ZNF469: variants seen among roughly 807,000 people sequenced by gnomAD.
ZNF469 encodes the protein zinc finger protein 469.
Under a neutral mutation model 1.0 loss-of-function variants are expected in ZNF469, and 1 was observed. The ratio of observed to expected loss-of-function variants is 1.00; its 90% CI spans 0.35 to 4.73. The LOEUF is 4.73. Ranked by LOEUF, ZNF469 falls within the 30% of genes most tolerant of loss-of-function variation. The pLI, the probability that ZNF469 is intolerant of heterozygous loss-of-function variation, is 0.16. For missense variants in ZNF469, 6,100 were observed against 5,356.3 expected (o/e 1.14, Z -4.33); for synonymous variants, 2,703 against 2,363.4 (o/e 1.14, Z -4.17).
In ZNF469 at chr16:88,428,248, A is replaced by C; in HGVS notation, c.778A>C (p.Lys260Gln). The change falls in exon 3 of 3, where the codon AAA (lysine) becomes CAA (glutamine). Residue 260 changes from lysine to glutamine, a missense_variant. Lys to Gln is a moderately conservative substitution (Grantham distance 53). Transcript: ENST00000565624. The part of the protein sequence containing the change: ...VPPAEPEPIP[K>Q]GSRPGGSPRG... ...CCCCGCCGAGCCGGAACCTATTCCC[A>C]AAGGCAGCAGGCCCGGCGGCAGCCC... 1 of 1,550,358 alleles carries C rather than the reference A, an allele frequency of 6.5e-7. No individual in the cohort carries two copies. The highest frequency in any genetic ancestry group is 8.7e-7 in the Non-Finnish European group (1 of 1,146,930).
the ZNF469 span, among the ~76,000 whole-genome samples, chr16:88,262,093 A>G: frequency 6.6e-6 from 1 of 152,170 alleles, no homozygotes; most frequent in Non-Finnish European, 1.5e-5. The surrounding 1 kb of genome is among the most constrained non-coding windows in gnomAD (Gnocchi z 4.3). Flanking sequence ...TGCAGGCTGC[A>G]CCGACGTTTC....
chr16:88,405,970 C>T (rs766316030), intron 1 of ZNF469, among the ~76,000 whole-genome samples: 1 of 152,250 alleles, frequency 6.6e-6, no homozygotes, highest in Non-Finnish European at 1.5e-5. Flanking sequence ...TGAGCGCTAA[C>T]GTGGCTGAAT....
At chr16:88,378,908 G>A (rs1039671870), upstream of ZNF469, among the ~76,000 whole-genome samples, 1 of 152,210 alleles carries the variant, frequency 6.6e-6, no homozygotes, top group African/African-American at 2.4e-5. Flanking sequence ...CCTCTCTCGA[G>A]AGCCCATCTG....
chr16:88,371,704 G>C, the ZNF469 span, among the ~76,000 whole-genome samples: 1 of 152,076 alleles, frequency 6.6e-6, no homozygotes, highest in African/African-American at 2.4e-5. Context: ...AGCAAACCTA[G>C]CCAGCCACCA....
the ZNF469 span, among the ~76,000 whole-genome samples, chr16:88,358,513 A>G: frequency 1.3e-4 from 20 of 151,996 alleles, no homozygotes; most frequent in African/African-American, 4.6e-4. Flanking sequence ...AATCCTCCCT[A>G]GAGGCAGCCA....
chr16:88,318,896 C>A, the ZNF469 span, among the ~76,000 whole-genome samples: 3 of 152,250 alleles, frequency 2.0e-5, no homozygotes, highest in Non-Finnish European at 4.4e-5. Context: ...CCGTCCTCAC[C>A]AGGGCAGCAG....
the ZNF469 span, among the ~76,000 whole-genome samples, chr16:88,168,136 T>G: frequency 6.6e-6 from 1 of 152,214 alleles, no homozygotes; most frequent in South Asian, 2.1e-4. The surrounding 1 kb of genome is among the most constrained non-coding windows in gnomAD (Gnocchi z 4.3). Context: ...GGGGTAGCCT[T>G]TCAAATCTTT....
At chr16:88,329,257 G>A in the ZNF469 span, among the ~76,000 whole-genome samples, 5 of 152,208 alleles carry the variant, frequency 3.3e-5, no homozygotes, top group African/African-American at 1.2e-4. Flanking sequence ...CAGCCAGTGT[G>A]TTTGCTGCTT....
At chr16:88,314,969 G>A in the ZNF469 span, among the ~76,000 whole-genome samples, 1 of 149,614 alleles carries the variant, frequency 6.7e-6, no homozygotes, top group Non-Finnish European at 1.5e-5. Context: ...TGCTGGTGTG[G>A]GCTGTCTCTG....
chr16:88,208,775 G>GCACACACACA, the ZNF469 span, among the ~76,000 whole-genome samples: 2 of 47,438 alleles, frequency 4.2e-5, no homozygotes, highest in African/African-American at 1.5e-4. Flanking sequence ...ATGCGCGTGC[G>GCACACACACA]CGCGCACACA....
chr16:88,196,700 C>T, the ZNF469 span, among the ~76,000 whole-genome samples: 2 of 152,188 alleles, frequency 1.3e-5, no homozygotes, highest in African/African-American at 2.4e-5. Context: ...TCTTGGTAGC[C>T]CTTTAGTCAG....
the ZNF469 span, among the ~76,000 whole-genome samples, chr16:88,300,827 G>T: frequency 3.3e-5 from 5 of 152,166 alleles, no homozygotes; most frequent in Non-Finnish European, 7.3e-5. Context: ...AACTTTGGGA[G>T]GCCAAGGCGG....
At chr16:88,253,933 AT>A in the ZNF469 span, among the ~76,000 whole-genome samples, 7 of 150,276 alleles carry the variant, frequency 4.7e-5, no homozygotes, top group African/African-American at 1.7e-4. Flanking sequence ...CCAAATCTAC[AT>A]TGTGAATATT....
chr16:88,182,660 A>G, the ZNF469 span, among the ~76,000 whole-genome samples: 1 of 151,644 alleles, frequency 6.6e-6, no homozygotes, highest in Non-Finnish European at 1.5e-5. Context: ...TTTCCAACAA[A>G]TGGTTCTGGA....
the ZNF469 span, chr16:88,178,891 C>G: frequency 6.8e-6 from 1 of 147,624 alleles, no homozygotes. Context: ...CCGCCCACCA[C>G]CTTCACCTGG....
the ZNF469 span, among the ~76,000 whole-genome samples, chr16:88,216,351 G>T: frequency 3.9e-5 from 6 of 152,060 alleles, no homozygotes; most frequent in South Asian, 1.2e-3. Context: ...AAAATTAGCC[G>T]GGCGCGGTGG....
chr16:88,221,416 G>A, the ZNF469 span, among the ~76,000 whole-genome samples: 9 of 152,160 alleles, frequency 5.9e-5, no homozygotes, highest in African/African-American at 1.7e-4. Flanking sequence ...CTATGGCCTC[G>A]CTCTTCACAT....
chr16:88,366,716 TCAC>T, the ZNF469 span, among the ~76,000 whole-genome samples: 9 of 150,422 alleles, frequency 6.0e-5, no homozygotes, highest in Non-Finnish European at 1.2e-4. Context: ...ACCATCATCA[TCAC>T]CATCATCACA....
At chr16:88,296,708 G>C in the ZNF469 span, among the ~76,000 whole-genome samples, 11 of 151,310 alleles carry the variant, frequency 7.3e-5, no homozygotes, top group African/African-American at 2.4e-4. Flanking sequence ...GCAGACCCAT[G>C]CTCTCACACA....
Sources: allele counts gnomAD v4.1 joint callset (sites outside exome capture counted in the v4.1 genomes callset), GRCh38; gene constraint gnomAD v4.1.1; non-coding constraint Gnocchi (gnomAD v3.1); transcripts MANE v1.5; gene names NCBI Gene and HGNC (gene_info 2026-07-23, HGNC 2026-07-21).